CSMD1: variants seen among roughly 807,000 people sequenced by gnomAD.
CSMD1 encodes the protein CUB and sushi domain-containing protein 1.
Under a neutral mutation model 417.5 loss-of-function variants are expected in CSMD1, and 213 were observed. The observed-to-expected ratio is 0.51, with a 90% CI of 0.46 to 0.57. CSMD1 has a LOEUF of 0.57. Ranked by LOEUF, CSMD1 falls within the 20% of genes least tolerant of loss-of-function variation. The pLI, the probability that CSMD1 is intolerant of heterozygous loss-of-function variation, is 0.00. For missense variants in CSMD1, 6,923 were observed against 4,529.7 expected (o/e 1.53, Z -15.17); for synonymous variants, 2,862 against 1,736.8 (o/e 1.65, Z -16.11).
At chr8:4,302,892 A>G (rs1213140351) in intron 3 of CSMD1, among the ~76,000 whole-genome samples, 1 of 152,066 alleles carries the variant, frequency 6.6e-6, no homozygotes, top group African/African-American at 2.4e-5. Flanking sequence ...CTCCATGCTG[A>G]TTCATATTAA....
chr8:4,833,943 C>T (rs957002330), intron 1 of CSMD1, among the ~76,000 whole-genome samples: 2 of 152,248 alleles, frequency 1.3e-5, no homozygotes, highest in African/African-American at 4.8e-5. Context: ...CACAGCGGCC[C>T]CTGACTAGTC....
intron 3 of CSMD1, among the ~76,000 whole-genome samples, chr8:4,219,374 T>C (rs914718501): frequency 7.2e-5 from 11 of 152,238 alleles, no homozygotes; most frequent in African/African-American, 2.6e-4. Flanking sequence ...TGGCACAGAG[T>C]AAGTGCTCAA....
rs1278306384 is a variant in CSMD1 at position 4,421,407 on chromosome 8, T to C, written c.303-1342A>G. ...ATTTCTTTCAGGTGCCCACAGAACA[T>C]ATACCAAGATAAACCATATTCGAGG... On this transcript the variant is annotated intron_variant, in intron 2 of 69. Transcript: ENST00000635120. 3.3e-5 allele frequency among the ~76,000 whole-genome samples: 5 copies of C among 152,152 alleles called. No homozygotes were observed. The East Asian group carries it at 5.8e-4, about 18-fold the overall frequency.
In CSMD1 at chr8:3,408,113, T is replaced by C. The variant is rs1270861420; in HGVS notation, c.1857A>G (p.Gly619=). The stretch of plus-strand genomic sequence containing the variant: ...CATTAAAGATTAGGTGAATTCGACT[T>C]CCTGGCTCCGAGATAATCAACCAGA... ...NCVWLIISEP[G]SRIHLIFNDF... Residue 619 remains glycine, a synonymous_variant, in exon 14 of 70, where the codon GGA becomes GGG. Transcript: ENST00000635120. 2 of 1,613,912 alleles carry C rather than the reference T, an allele frequency of 1.2e-6. No individual in the cohort carries two copies. The highest frequency in any genetic ancestry group is 1.7e-6 in the Non-Finnish European group (2 of 1,179,850).
Position 4,771,144 on chromosome 8 carries a change from C to G in CSMD1, c.86-133586G>C, listed in dbSNP as rs367734973. 2.8e-4 allele frequency among the ~76,000 whole-genome samples: 43 copies of G among 152,282 alleles called. 1 individual carries two copies. Among genetic ancestry groups the G allele is most frequent in the African/African-American group, 9.9e-4 (41 of 41,566 alleles). ...TGTTAAAATTGGTGAAGATATGATT[C>G]AGTTTAAACACACATTACACAGAGA... On this transcript the variant is annotated intron_variant, in intron 1 of 69. Coordinates refer to ENST00000635120, the MANE Select transcript of CSMD1 (RefSeq NM_033225.6).
chr8:4,165,963 T>A (rs1797433933), intron 3 of CSMD1, among the ~76,000 whole-genome samples: 1 of 152,212 alleles, frequency 6.6e-6, no homozygotes, highest in Non-Finnish European at 1.5e-5. Context: ...GGTGTCACTG[T>A]AAGTAATAAC....
chr8:3,657,983 T>G (rs1046661291), intron 7 of CSMD1, among the ~76,000 whole-genome samples: 2 of 152,140 alleles, frequency 1.3e-5, no homozygotes, highest in Non-Finnish European at 2.9e-5. Context: ...TCAAATATAT[T>G]CTATAAAGAG....
At chr8:3,094,090 TTA>T (rs1815136117) in intron 47 of CSMD1, among the ~76,000 whole-genome samples, 1 of 148,456 alleles carries the variant, frequency 6.7e-6, no homozygotes, top group African/African-American at 2.5e-5. Context: ...AGGGTTTTTT[TTA>T]TTTTATTTTA....
intron 1 of CSMD1, among the ~76,000 whole-genome samples, chr8:4,911,450 T>A (rs954757994): frequency 2.0e-5 from 3 of 152,194 alleles, no homozygotes; most frequent in African/African-American, 7.2e-5. Context: ...GTCCCATGAA[T>A]ACACTTTTCC....
intron 33 of CSMD1, among the ~76,000 whole-genome samples, chr8:3,195,352 G>T (rs1563132054): frequency 6.6e-6 from 1 of 152,092 alleles, no homozygotes; most frequent in Admixed American, 6.6e-5. Flanking sequence ...GCCTCTCTTG[G>T]CCTCTGTTTT....
At chr8:4,282,324 G>C (rs1275744543) in intron 3 of CSMD1, among the ~76,000 whole-genome samples, 1 of 152,118 alleles carries the variant, frequency 6.6e-6, no homozygotes, top group Non-Finnish European at 1.5e-5. Flanking sequence ...ACGCCCAAGG[G>C]TCAAGATCAT....
At chr8:4,464,364 A>G (rs1298710792) in intron 2 of CSMD1, among the ~76,000 whole-genome samples, 7 of 152,212 alleles carry the variant, frequency 4.6e-5, no homozygotes, top group African/African-American at 1.7e-4. Flanking sequence ...AGCTGAAAAG[A>G]GTGATGAAAA....
chr8:4,328,412 G>A (rs769729782), intron 3 of CSMD1, among the ~76,000 whole-genome samples: 46 of 151,802 alleles, frequency 3.0e-4, no homozygotes, highest in Non-Finnish European at 5.9e-4. Context: ...CTACTTTTGA[G>A]TAGTTTTAAT....
intron 2 of CSMD1, among the ~76,000 whole-genome samples, chr8:4,435,609 A>G (rs968378935): frequency 6.6e-6 from 1 of 152,176 alleles, no homozygotes; most frequent in African/African-American, 2.4e-5. Flanking sequence ...TTCACGGCAC[A>G]TGAGTGAATG....
chr8:4,316,203 T>C (rs1415561487), intron 3 of CSMD1, among the ~76,000 whole-genome samples: 1 of 152,172 alleles, frequency 6.6e-6, no homozygotes, highest in East Asian at 1.9e-4. Context: ...CAGGACCCCA[T>C]ATTCTAAAAT....
At chr8:3,162,055 C>G (rs946247768) in intron 38 of CSMD1, 104 bp downstream of exon 38, 6 of 722,642 alleles carry the variant, frequency 8.3e-6, no homozygotes, top group Non-Finnish European at 1.5e-5. Context: ...GATTCACAAA[C>G]TGAGTGAGGA....
At chr8:3,479,981 A>C (rs1232277778) in intron 11 of CSMD1, among the ~76,000 whole-genome samples, 5 of 152,226 alleles carry the variant, frequency 3.3e-5, no homozygotes, top group Non-Finnish European at 7.3e-5. Flanking sequence ...TTAATATTAA[A>C]ATTGAAATGA....
At position 2,951,267 on chromosome 8, in the gene CSMD1, C is replaced by G; in HGVS notation, c.10048G>C (p.Asp3350His). 1.2e-6 allele frequency: 2 copies of G among 1,602,728 alleles called. No individual in the cohort carries two copies. Among genetic ancestry groups the G allele is most frequent in the East Asian group, 2.2e-5 (1 of 44,554 alleles). Residue 3350 changes from aspartate to histidine, a missense_variant, in exon 66 of 70, where the codon GAT (aspartate) becomes CAT (histidine). Coordinates refer to ENST00000635120, the MANE Select transcript of CSMD1 (RefSeq NM_033225.6). ...CACAGTGAATTGACGAAAAAGACAT[C>G]TGAAGGAACTGTGGGAAGGGGGGAA... is the stretch of plus-strand genomic sequence containing the variant. Reference protein sequence around the residue: ...ETVTKTPVPSDVFFVNSLWKG... With the variant: ...ETVTKTPVPSHVFFVNSLWKG...
At chr8:4,082,398 C>G (rs1172631164) in intron 3 of CSMD1, among the ~76,000 whole-genome samples, 1 of 152,078 alleles carries the variant, frequency 6.6e-6, no homozygotes, top group Non-Finnish European at 1.5e-5. Flanking sequence ...TTAAAAACAA[C>G]TACAACAAAA....
Sources: gnomAD v4.1 joint callset for allele counts (sites outside exome capture counted in the v4.1 genomes callset) on GRCh38, gnomAD v4.1.1 for gene constraint, MANE v1.5 for transcripts, NCBI Gene and HGNC (gene_info 2026-07-23, HGNC 2026-07-21) for gene names.